The following ATP2C2 variants were observed in gnomAD, a reference collection of about 807,000 sequenced individuals.
ATP2C2 encodes calcium-transporting ATPase type 2C member 2.
Under a neutral mutation model 110.8 loss-of-function variants are expected in ATP2C2, and 171 were observed. That is an observed-to-expected ratio of 1.54 (90% CI 1.36 to 1.75). The LOEUF is 1.75. Ranked by LOEUF, ATP2C2 falls within the 40% of genes most tolerant of loss-of-function variation. The probability of loss-of-function intolerance (pLI) is 0.00; values close to 1 mark genes in which losing one functional copy is unlikely to be tolerated. For synonymous variants in ATP2C2, 804 were observed against 508.4 expected (o/e 1.58, Z -7.82); for missense variants, 1,963 against 1,235.0 (o/e 1.59, Z -8.84).
chr16:84,463,580 C>A, intron 26 of ATP2C2, 34 bp from the exon 27 acceptor site: 1 of 1,572,708 alleles, frequency 6.4e-7, no homozygotes. Flanking sequence ...AGCTGCAGCC[C>A]GTCCTGAATC....
At chr16:84,445,043 G>A (rs1909616769) in intron 15 of ATP2C2, among the ~76,000 whole-genome samples, 1 of 152,132 alleles carries the variant, frequency 6.6e-6, no homozygotes, top group South Asian at 2.1e-4. Flanking sequence ...GCCAGAAGTT[G>A]AAATCAAGGT....
At chr16:84,399,160 G>T (rs986527100) in intron 2 of ATP2C2, among the ~76,000 whole-genome samples, 10 of 152,278 alleles carry the variant, frequency 6.6e-5, no homozygotes, top group African/African-American at 2.4e-4. Context: ...GCACACGTGC[G>T]TGCACGTGCA....
chr16:84,419,277 A>C (rs1907115923), intron 7 of ATP2C2, among the ~76,000 whole-genome samples: 1 of 142,414 alleles, frequency 7.0e-6, no homozygotes, highest in Non-Finnish European at 1.5e-5. Context: ...GCTCCAGGGG[A>C]GAAGCTGTTT....
intron 17 of ATP2C2, among the ~76,000 whole-genome samples, chr16:84,450,692 A>G (rs1288255943): frequency 2.6e-5 from 4 of 152,002 alleles, no homozygotes; most frequent in Middle Eastern, 3.2e-3. Flanking sequence ...GGATGTTCTT[A>G]CACCACCCCC....
intron 16 of ATP2C2, among the ~76,000 whole-genome samples, 184 bp from the exon 17 acceptor site, chr16:84,448,349 C>T (rs16973816): frequency 0.034 from 5,184 of 152,190 alleles, 290 homozygotes; most frequent in African/African-American, 0.12. Flanking sequence ...CAAAACGTTC[C>T]ATGGATGGAT....
chr16:84,381,522 A>G (rs527286654), intron 1 of ATP2C2, among the ~76,000 whole-genome samples: 1 of 152,262 alleles, frequency 6.6e-6, no homozygotes, highest in East Asian at 1.9e-4. Context: ...GGTTGCAGTG[A>G]GCCGAGATCA....
intron 1 of ATP2C2, among the ~76,000 whole-genome samples, chr16:84,397,484 G>A (rs1183110298): frequency 6.6e-6 from 1 of 151,028 alleles, no homozygotes; most frequent in South Asian, 2.1e-4. Flanking sequence ...CGCTCAGCCT[G>A]GGCAACATAG....
rs1045942421 is a variant in ATP2C2, at chr16:84,418,835, G to A, written c.624+3244G>A. The stretch of plus-strand genomic sequence containing the variant: ...GCTGTGGCAGATGACCGCTTACTTA[G>A]GGGCTTAAAACAAGGTGAAGATATG... On this transcript the variant is annotated intron_variant, in intron 7 of 26. Transcript: ENST00000262429. Among the ~76,000 whole-genome samples the A allele has an allele frequency of 4.6e-5, 7 of 152,200 alleles. 1 individual carries two copies. The South Asian group carries it at 8.3e-4, about 18-fold the overall frequency.
chr16:84,460,437 G>C (rs762595538), intron 23 of ATP2C2: 1 of 651,234 alleles, frequency 1.5e-6, no homozygotes, highest in African/African-American at 1.8e-5. Context: ...TTCACTGTCT[G>C]CGGGACAGAT....
chr16:84,389,388 A>G (rs1478003144), intron 1 of ATP2C2, among the ~76,000 whole-genome samples: 2 of 152,180 alleles, frequency 1.3e-5, no homozygotes, highest in East Asian at 3.9e-4. Context: ...CCACCACGCG[A>G]GTTTTGAGCA....
intron 14 of ATP2C2, among the ~76,000 whole-genome samples, chr16:84,441,384 A>G (rs1909240157): frequency 6.6e-6 from 1 of 152,190 alleles, no homozygotes; most frequent in Non-Finnish European, 1.5e-5. Flanking sequence ...GATGAATGGT[A>G]AAAAGTGAGC....
intron 11 of ATP2C2, among the ~76,000 whole-genome samples, chr16:84,426,907 C>T (rs918712576): frequency 3.3e-5 from 5 of 152,226 alleles, no homozygotes; most frequent in South Asian, 2.1e-4. Context: ...TCCTGGTGGC[C>T]GAGACAGGGA....
intron 6 of ATP2C2, chr16:84,410,993 A>C: frequency 3.5e-6 from 2 of 574,516 alleles, no homozygotes; most frequent in Non-Finnish European, 6.2e-6. Flanking sequence ...TGTCTAAATC[A>C]GGGTGCCTAG....
chr16:84,406,164 G>A (rs1045460444), intron 3 of ATP2C2, among the ~76,000 whole-genome samples: 4 of 152,220 alleles, frequency 2.6e-5, no homozygotes, highest in African/African-American at 7.2e-5. Context: ...GCTAGCTGCT[G>A]CCATCGGTGC....
At chr16:84,456,333 A>T (rs935834444) in intron 21 of ATP2C2, among the ~76,000 whole-genome samples, 2 of 151,884 alleles carry the variant, frequency 1.3e-5, no homozygotes, top group African/African-American at 4.8e-5. Context: ...TCAGAGATTC[A>T]ACTTCTTCCT....
At chr16:84,434,937 A>T (rs145973794) in intron 11 of ATP2C2, among the ~76,000 whole-genome samples, 1,853 of 152,304 alleles carry the variant, frequency 0.012, 36 homozygotes, top group African/African-American at 0.043. Flanking sequence ...CCCTCCACAA[A>T]TGTTTGCTTA....
intron 14 of ATP2C2, among the ~76,000 whole-genome samples, chr16:84,442,094 T>C (rs917618082): frequency 6.6e-5 from 10 of 152,182 alleles, no homozygotes; most frequent in Admixed American, 2.6e-4. Context: ...TAAATATTTA[T>C]GTATAAATTG....
At chr16:84,369,845 C>A (rs751857033) in intron 1 of ATP2C2, among the ~76,000 whole-genome samples, 1 of 152,084 alleles carries the variant, frequency 6.6e-6, no homozygotes, top group Non-Finnish European at 1.5e-5. Context: ...GGTGGTAGGC[C>A]ACAGGACCAC....
intron 1 of ATP2C2, among the ~76,000 whole-genome samples, chr16:84,393,127 G>C (rs1040002592): frequency 6.6e-6 from 1 of 152,174 alleles, no homozygotes; most frequent in Non-Finnish European, 1.5e-5. Flanking sequence ...TTTGGGGTTG[G>C]GTAGAGGGAT....
Sources: allele counts gnomAD v4.1 joint callset (sites outside exome capture counted in the v4.1 genomes callset), GRCh38; gene constraint gnomAD v4.1.1; transcripts MANE v1.5; gene names NCBI Gene and HGNC (gene_info 2026-07-23, HGNC 2026-07-21).